UVRAG: variants seen among roughly 807,000 people sequenced by gnomAD.
The protein encoded by UVRAG is UV radiation resistance associated, also known as UV radiation resistance-associated gene protein.
UVRAG carries 19 observed loss-of-function variants against 78.0 expected under a neutral mutation model. The ratio of observed to expected loss-of-function variants is 0.24; its 90% confidence interval spans 0.17 to 0.36. UVRAG has a LOEUF of 0.36. Among genes scored for constraint, UVRAG ranks in the 10% least tolerant of loss-of-function variants. UVRAG has a pLI of 1.00. For missense variants in UVRAG, 740 were observed against 853.8 expected (o/e 0.87, Z 1.66); for synonymous variants, 323 against 324.6 (o/e 1.00, Z 0.05).
chr11:75,835,512 A>G (rs1482196633), intron 1 of UVRAG, among the ~76,000 whole-genome samples: 1 of 152,190 alleles, frequency 6.6e-6, no homozygotes, highest in African/African-American at 2.4e-5. Context: ...TTCCCCTTCC[A>G]TAAAATGGAG....
chr11:75,881,183 T>A (rs1372008422), intron 4 of UVRAG, among the ~76,000 whole-genome samples: 2 of 151,934 alleles, frequency 1.3e-5, no homozygotes, highest in Non-Finnish European at 2.9e-5. Context: ...GTGAGACAGG[T>A]CTCAGTTAAT....
At chr11:76,090,025 G>A (rs1951666254) in intron 13 of UVRAG, among the ~76,000 whole-genome samples, 1 of 152,158 alleles carries the variant, frequency 6.6e-6, no homozygotes, top group Admixed American at 6.5e-5. Flanking sequence ...ACCATTCGGT[G>A]TTCTTTCCCA....
chr11:75,967,235 A>G (rs1949040772), intron 7 of UVRAG, among the ~76,000 whole-genome samples: 1 of 152,202 alleles, frequency 6.6e-6, no homozygotes, highest in African/African-American at 2.4e-5. Flanking sequence ...TTGCATACTT[A>G]TTCTTTTACA....
chr11:75,967,580 T>G (rs1034177163), intron 7 of UVRAG, among the ~76,000 whole-genome samples: 2 of 152,230 alleles, frequency 1.3e-5, no homozygotes, highest in Admixed American at 6.5e-5. Flanking sequence ...CTCAAAGTTA[T>G]TGGTCTCAAG....
intron 1 of UVRAG, among the ~76,000 whole-genome samples, chr11:75,817,303 A>G (rs1200885498): frequency 6.6e-6 from 1 of 152,118 alleles, no homozygotes; most frequent in Non-Finnish European, 1.5e-5. Flanking sequence ...AGGAAAGAGA[A>G]AGCATCATTT....
chr11:76,044,406 A>G (rs1365730121), intron 12 of UVRAG, among the ~76,000 whole-genome samples: 29 of 152,250 alleles, frequency 1.9e-4, no homozygotes, highest in Non-Finnish European at 1.0e-4. Context: ...GTAAATGTCA[A>G]ACTTCTGACT....
chr11:76,135,971 T>C (rs1396255371), intron 14 of UVRAG, among the ~76,000 whole-genome samples: 1 of 152,212 alleles, frequency 6.6e-6, no homozygotes, highest in Non-Finnish European at 1.5e-5. Context: ...ACTAATTGCA[T>C]ATGATGAGTA....
intron 2 of UVRAG, among the ~76,000 whole-genome samples, chr11:75,856,225 G>A (rs1200085553): frequency 1.3e-5 from 2 of 152,008 alleles, no homozygotes; most frequent in Non-Finnish European, 2.9e-5. Context: ...GGATAGTCTC[G>A]ATCTCCTGAC....
intron 12 of UVRAG, among the ~76,000 whole-genome samples, chr11:76,040,849 C>G (rs975338344): frequency 3.3e-5 from 5 of 151,886 alleles, no homozygotes; most frequent in African/African-American, 1.2e-4. Flanking sequence ...GCCACCGGGC[C>G]TGGCCAACAC....
chr11:75,873,218 G>A (rs898811727), intron 3 of UVRAG, among the ~76,000 whole-genome samples: 4 of 152,176 alleles, frequency 2.6e-5, no homozygotes, highest in African/African-American at 9.7e-5. Context: ...CATATTAGGT[G>A]AGAAAGCGAA....
chr11:75,857,629 A>G (rs1164471705), intron 2 of UVRAG, among the ~76,000 whole-genome samples: 3 of 151,974 alleles, frequency 2.0e-5, no homozygotes, highest in African/African-American at 4.8e-5. Flanking sequence ...AGCTAGGACT[A>G]CAGGTGTATG....
At chr11:75,951,454 CTCACCACA>C in intron 6 of UVRAG, among the ~76,000 whole-genome samples, 1 of 152,150 alleles carries the variant, frequency 6.6e-6, no homozygotes, top group East Asian at 1.9e-4. Flanking sequence ...GCGATCTCAG[CTCACCACA>C]ACCTCTGCCT....
intron 5 of UVRAG, among the ~76,000 whole-genome samples, chr11:75,907,283 T>C (rs1947635704): frequency 6.6e-6 from 1 of 152,196 alleles, no homozygotes; most frequent in Non-Finnish European, 1.5e-5. Context: ...GTCTTTCTTG[T>C]TTTTGATATT....
At chr11:75,962,539 T>C (rs2135207510) in intron 7 of UVRAG, among the ~76,000 whole-genome samples, 1 of 152,272 alleles carries the variant, frequency 6.6e-6, no homozygotes, top group African/African-American at 2.4e-5. Flanking sequence ...GTAGCAAACA[T>C]ACAAAATAGG....
rs1946876808 is a variant in UVRAG at position 75,878,910 on chromosome 11, AGGG to A, written c.271-966_271-964del. On this transcript the variant is annotated intron_variant, in intron 3 of 14. Transcript: ENST00000356136. Reference sequence around the variant, plus strand: ...GACAGGGACAGGGACAGGGAGGGGGAGGGGGAGGGAGAGGGAGAGGGAGAGGGA... The same window carrying A: ...GACAGGGACAGGGACAGGGAGGGGGAGGAGGGAGAGGGAGAGGGAGAGGGA... Among the ~76,000 whole-genome samples the A allele has an allele frequency of 1.4e-3, 73 of 53,866 alleles. 2 individuals carry two copies. The Middle Eastern group carries it at 0.033, about 25-fold the overall frequency. The allele number at this position is 53,866 out of a possible 152,430, so 35.3% of individuals were successfully genotyped here.
At chr11:76,061,292 C>T (rs888714610) in intron 12 of UVRAG, among the ~76,000 whole-genome samples, 6 of 152,250 alleles carry the variant, frequency 3.9e-5, no homozygotes, top group East Asian at 3.9e-4. Flanking sequence ...ATTGTAAACG[C>T]GCCAATCAGC....
At chr11:76,024,980 A>C (rs1032403695) in intron 12 of UVRAG, among the ~76,000 whole-genome samples, 1 of 152,214 alleles carries the variant, frequency 6.6e-6, no homozygotes, top group Non-Finnish European at 1.5e-5. Context: ...CTGATTATCT[A>C]TCTCATCTGG....
At chr11:76,067,011 T>C (rs1192376788) in intron 13 of UVRAG, among the ~76,000 whole-genome samples, 1 of 152,224 alleles carries the variant, frequency 6.6e-6, no homozygotes, top group East Asian at 1.9e-4. Context: ...CCCTTATTCA[T>C]TTCTGATCAG....
intron 6 of UVRAG, among the ~76,000 whole-genome samples, chr11:75,953,552 T>C (rs1432748152): frequency 6.6e-6 from 1 of 152,216 alleles, no homozygotes; most frequent in African/African-American, 2.4e-5. Flanking sequence ...TGTCATTCTT[T>C]GTCTTAAACT....
Sources: gnomAD v4.1 joint callset for allele counts (sites outside exome capture counted in the v4.1 genomes callset) on GRCh38, gnomAD v4.1.1 for gene constraint, MANE v1.5 for transcripts, NCBI Gene and HGNC (gene_info 2026-07-23, HGNC 2026-07-21) for gene names.